Variants in ZC3H12B observed in about 807,000 individuals in gnomAD.
ZC3H12B encodes zinc finger CCCH-type containing 12B, also known as probable ribonuclease ZC3H12B.
Under a neutral mutation model 43.9 loss-of-function variants are expected in ZC3H12B, and 7 were observed. The ratio of observed to expected loss-of-function variants is 0.16; its 90% CI spans 0.09 to 0.30. The LOEUF is 0.30. ZC3H12B is among the 10% of genes least tolerant of loss of function. ZC3H12B has a pLI of 1.00. For missense variants in ZC3H12B, 475 were observed against 670.2 expected, an observed-to-expected ratio of 0.71 and a Z score of 3.22; for synonymous variants, 222 against 241.7, an observed-to-expected ratio of 0.92 and a Z score of 0.76.
intron 3 of ZC3H12B, among the ~76,000 whole-genome samples, chrX:65,428,645 C>A (rs2067113409): frequency 8.9e-6 from 1 of 112,309 alleles, no homozygotes; most frequent in South Asian, 3.7e-4. Flanking sequence ...TTTTAGCTGT[C>A]AGCTCCTGTA....
the ZC3H12B span, among the ~76,000 whole-genome samples, chrX:65,276,165 T>G: frequency 9.0e-6 from 1 of 111,119 alleles, no homozygotes; most frequent in South Asian, 3.7e-4. Context: ...GAAAAATGAA[T>G]AAAAAAGAAT....
the ZC3H12B span, among the ~76,000 whole-genome samples, chrX:65,139,613 T>G: frequency 1.1e-5 from 1 of 88,290 alleles, no homozygotes; most frequent in Non-Finnish European, 1.9e-5. Context: ...TTAATATTTC[T>G]ATGAAAAAAG....
At chrX:65,249,222 T>C in the ZC3H12B span, among the ~76,000 whole-genome samples, 1 of 112,394 alleles carries the variant, frequency 8.9e-6, no homozygotes, top group Non-Finnish European at 1.9e-5. Context: ...ATGTCTTATA[T>C]TAAAGTCTTT....
the ZC3H12B span, among the ~76,000 whole-genome samples, chrX:65,315,729 C>T: frequency 8.9e-6 from 1 of 112,189 alleles, no homozygotes; most frequent in South Asian, 3.7e-4. Flanking sequence ...AAAGAACCAG[C>T]ACAAGAACTA....
the ZC3H12B span, chrX:65,186,095 G>T: frequency 1.5e-4 from 17 of 111,610 alleles, no homozygotes; most frequent in Admixed American, 1.3e-3. Context: ...GACACCTTGG[G>T]TAGCTTGGAG....
chrX:65,457,494 G>A (rs1279020430), intron 3 of ZC3H12B, among the ~76,000 whole-genome samples: 13 of 88,491 alleles, frequency 1.5e-4, no homozygotes, highest in Non-Finnish European at 2.5e-4. Context: ...GGTGAGGGGC[G>A]CTTCTTCCCG....
At chrX:65,076,401 A>T in the ZC3H12B span, among the ~76,000 whole-genome samples, 1 of 110,961 alleles carries the variant, frequency 9.0e-6, no homozygotes, top group African/African-American at 3.3e-5. Flanking sequence ...AATCTTCCAA[A>T]GCACTGGGAT....
intron 3 of ZC3H12B, among the ~76,000 whole-genome samples, chrX:65,448,971 G>GAAAAAGAA (rs2067424424): frequency 3.6e-5 from 3 of 83,933 alleles, no homozygotes; most frequent in African/African-American, 2.0e-4. Context: ...AAGAAAGAAA[G>GAAAAAGAA]AAAGAAAGAG....
chrX:65,190,387 G>C, the ZC3H12B span, among the ~76,000 whole-genome samples: 1 of 111,073 alleles, frequency 9.0e-6, no homozygotes, highest in Admixed American at 9.6e-5. Flanking sequence ...ATTACCTTGG[G>C]CAGTATGGCC....
chrX:65,278,461 T>G, the ZC3H12B span, among the ~76,000 whole-genome samples: 1 of 111,947 alleles, frequency 8.9e-6, no homozygotes, highest in Non-Finnish European at 1.9e-5. Flanking sequence ...GTATCCTTAG[T>G]TGAGCAGCTC....
At chrX:65,250,435 C>A in the ZC3H12B span, among the ~76,000 whole-genome samples, 1 of 111,569 alleles carries the variant, frequency 9.0e-6, no homozygotes, top group African/African-American at 3.3e-5. Context: ...GATTTATAAT[C>A]CTTTGGGTAT....
intron 2 of ZC3H12B, among the ~76,000 whole-genome samples, chrX:65,369,631 A>T (rs1389300738): frequency 8.9e-6 from 1 of 111,895 alleles, no homozygotes; most frequent in Non-Finnish European, 1.9e-5. Flanking sequence ...TACAACCACA[A>T]TATATGCAAC....
the ZC3H12B span, among the ~76,000 whole-genome samples, chrX:65,274,951 T>C: frequency 9.0e-6 from 1 of 111,654 alleles, no homozygotes; most frequent in East Asian, 2.8e-4. Context: ...GAGAAATAGA[T>C]CCTTGGGCCA....
At chrX:65,198,949 C>T in the ZC3H12B span, among the ~76,000 whole-genome samples, 311 of 111,091 alleles carry the variant, frequency 2.8e-3, 3 homozygotes, top group African/African-American at 9.7e-3. Flanking sequence ...GCCTCAGCCT[C>T]CTGAGTATCT....
the ZC3H12B span, among the ~76,000 whole-genome samples, chrX:65,230,851 C>T: frequency 9.0e-6 from 1 of 111,596 alleles, no homozygotes; most frequent in African/African-American, 3.3e-5. Flanking sequence ...GGTATAAACT[C>T]ATTATCAAAA....
At chrX:65,231,342 G>T in the ZC3H12B span, among the ~76,000 whole-genome samples, 1 of 110,998 alleles carries the variant, frequency 9.0e-6, no homozygotes, top group Non-Finnish European at 1.9e-5. Context: ...TGTCTCACTG[G>T]GCATGCATTA....
chrX:65,242,021 G>A, the ZC3H12B span, among the ~76,000 whole-genome samples: 4 of 111,373 alleles, frequency 3.6e-5, no homozygotes, highest in Non-Finnish European at 5.7e-5. Context: ...CTCCTTATCC[G>A]TGGGTTGCAA....
chrX:65,193,657 T>C, the ZC3H12B span, among the ~76,000 whole-genome samples: 6 of 112,030 alleles, frequency 5.4e-5, no homozygotes, highest in Admixed American at 3.8e-4. Flanking sequence ...TTTTATTATT[T>C]CTTCTACTAA....
the ZC3H12B span, among the ~76,000 whole-genome samples, chrX:65,040,341 T>C: frequency 9.1e-6 from 1 of 109,876 alleles, no homozygotes; most frequent in Non-Finnish European, 1.9e-5. Flanking sequence ...TCTGTTTCTC[T>C]TCCTGCATAC....
Sources: gnomAD v4.1 joint callset for allele counts (sites outside exome capture counted in the v4.1 genomes callset) on GRCh38, gnomAD v4.1.1 for gene constraint, MANE v1.5 for transcripts, NCBI Gene and HGNC (gene_info 2026-07-23, HGNC 2026-07-21) for gene names.